Variants in WDR1 observed in about 807,000 individuals in gnomAD.
The protein encoded by WDR1 is WD repeat-containing protein 1.
In WDR1, 21 loss-of-function variants were observed where a neutral mutation model predicts 71.9. The observed-to-expected ratio is 0.29, with a 90% CI of 0.21 to 0.42. WDR1 has a LOEUF of 0.42. Ranked by LOEUF, WDR1 falls within the 10% of genes least tolerant of loss-of-function variation. The probability of loss-of-function intolerance (pLI) is 1.00; values close to 1 mark genes in which losing one functional copy is unlikely to be tolerated. For missense variants in WDR1, 696 were observed against 824.5 expected, an observed-to-expected ratio of 0.84 and a Z score of 1.91; for synonymous variants, 424 against 347.4, an observed-to-expected ratio of 1.22 and a Z score of -2.45.
intron 11 of WDR1, 149 bp from the exon 12 acceptor site, chr4:10,079,150 C>CCA: frequency 1.7e-6 from 1 of 602,084 alleles, no homozygotes; most frequent in South Asian, 2.0e-5. Context: ...GGGCTCTGAG[C>CCA]CACACCACCT....
At chr4:10,084,876 C>T (rs565952501) in intron 8 of WDR1, among the ~76,000 whole-genome samples, 4 of 152,232 alleles carry the variant, frequency 2.6e-5, no homozygotes, top group East Asian at 1.9e-4. Flanking sequence ...TGCACCCCGC[C>T]GACCAGCACC....
In WDR1 at chr4:10,095,578, C is replaced by T. The variant is rs149807407; in HGVS notation, c.558+2133G>A. Among the ~76,000 whole-genome samples the T allele has an allele frequency of 5.3e-3, 800 of 152,230 alleles. 7 individuals are homozygous for T. The highest frequency in any genetic ancestry group is 0.02 in the Middle Eastern group (6 of 294). On this transcript the variant is annotated intron_variant, in intron 5 of 14. Transcript: ENST00000499869. ...ACGACCGCAGCTTTCCTCTGGGGTCCGGAGGGCTTAAGTGCAGATACACAC... is the reference window on the plus strand; with the variant it reads ...ACGACCGCAGCTTTCCTCTGGGGTCTGGAGGGCTTAAGTGCAGATACACAC...
chr4:10,107,780 A>G (rs1713109047), intron 2 of WDR1, among the ~76,000 whole-genome samples: 1 of 152,144 alleles, frequency 6.6e-6, no homozygotes, highest in Non-Finnish European at 1.5e-5. Context: ...GCCAGCAATC[A>G]AGGAGTCACA....
chr4:10,092,491 ACAG>A, intron 5 of WDR1: 2 of 153,482 alleles, frequency 1.3e-5, no homozygotes, highest in Admixed American at 6.4e-5. Flanking sequence ...GACGCCTCCC[ACAG>A]GCTCTGGCAG....
intron 2 of WDR1, among the ~76,000 whole-genome samples, chr4:10,115,198 C>T (rs1713635466): frequency 6.6e-6 from 1 of 152,246 alleles, no homozygotes; most frequent in African/African-American, 2.4e-5. Context: ...GCACCTCCAA[C>T]TCCCACCCCA....
chr4:10,116,596 A>T, intron 1 of WDR1, 55 bp downstream of exon 1: 3 of 1,153,342 alleles, frequency 2.6e-6, no homozygotes, highest in Non-Finnish European at 3.2e-6. Context: ...GGGGCCGGGG[A>T]CCGGGGCCGG....
chr4:10,092,580 C>G (rs1712064957), intron 5 of WDR1: 1 of 211,460 alleles, frequency 4.7e-6, no homozygotes, highest in African/African-American at 2.3e-5. Flanking sequence ...TCCAGGGACA[C>G]AGATGCCCCT....
At position 10,074,503 on chromosome 4, in the gene WDR1, C is replaced by G. The variant is rs1802032; in HGVS notation, c.*875G>C. 1 of 152,716 alleles carries G rather than the reference C, an allele frequency of 6.5e-6. No homozygotes were observed. The highest frequency in any genetic ancestry group is 2.4e-5 in the African/African-American group (1 of 41,548). The allele number at this position is 152,716 out of a possible 1,614,324, so 9.5% of individuals were successfully genotyped here. A position where few individuals can be genotyped will look rare whatever the true frequency, so the allele number is the denominator to read the frequency against. ...GGTGCTTTATACTTACTTTTAATTT[C>G]TGCACTGAAAAAGAAAAGGAAGGTA... On this transcript the variant is annotated 3_prime_UTR_variant, in exon 15 of 15. Coordinates refer to ENST00000499869, the MANE Select transcript of WDR1 (RefSeq NM_017491.5).
In WDR1 at chr4:10,088,314, G is replaced by T; in HGVS notation, c.696C>A (p.Ala232=). 2 of 1,556,506 alleles carry T rather than the reference G, an allele frequency of 1.3e-6. No homozygotes were observed. The highest frequency in any genetic ancestry group is 1.7e-6 in the Non-Finnish European group (2 of 1,149,738). Residue 232 remains alanine, a synonymous_variant, in exon 7 of 15, where the codon GCC becomes GCA. Coordinates refer to ENST00000499869, the MANE Select transcript of WDR1 (RefSeq NM_017491.5). ...EKVCALGGSK[A]HDGGIYAISW... ...TCACTGCGTAAATCCCACCGTCGTG[G>T]GCCTTGCTTCCGCCCAGCGCGCACA...
intron 5 of WDR1, chr4:10,092,850 T>C: frequency 2.6e-6 from 1 of 380,232 alleles, no homozygotes; most frequent in Non-Finnish European, 5.3e-6. Context: ...CCCCTGCCTC[T>C]GCCCCACCCC....
intron 11 of WDR1, among the ~76,000 whole-genome samples, chr4:10,080,432 T>G (rs1356527613): frequency 6.6e-6 from 1 of 152,234 alleles, no homozygotes; most frequent in African/African-American, 2.4e-5. Flanking sequence ...TGGATTCCCT[T>G]TGCACCTCCC....
intron 5 of WDR1, chr4:10,091,524 T>G (rs909274302): frequency 2.0e-5 from 3 of 152,292 alleles, no homozygotes; most frequent in African/African-American, 7.2e-5. Context: ...CCACATCACC[T>G]GCACGAATCT....
intron 2 of WDR1, chr4:10,108,263 G>T: frequency 6.6e-6 from 1 of 152,316 alleles, no homozygotes. Flanking sequence ...AGGGGCCAGA[G>T]GTCACTACTC....
intron 2 of WDR1, among the ~76,000 whole-genome samples, chr4:10,109,792 T>G (rs1713239475): frequency 6.6e-6 from 1 of 152,070 alleles, no homozygotes; most frequent in Admixed American, 6.6e-5. Context: ...GGGTTCAAAT[T>G]CCAGCACCTT....
chr4:10,079,014 C>A lies in WDR1; in HGVS notation c.1285-13G>T. 4 of 1,587,918 alleles carry A rather than the reference C, an allele frequency of 2.5e-6. No homozygotes were observed. The highest frequency in any genetic ancestry group is 2.3e-5 in the South Asian group (2 of 88,094). Reference sequence around the variant, plus strand: ...TCAGCAGGACAATCTGTGGCACACACAGGCAGCTGGTCAGGCGGTCCAGCC... The same window carrying A: ...TCAGCAGGACAATCTGTGGCACACAAAGGCAGCTGGTCAGGCGGTCCAGCC... On this transcript the variant is annotated splice_polypyrimidine_tract_variant and intron_variant, in intron 11 of 14. Coordinates refer to ENST00000499869, the MANE Select transcript of WDR1 (RefSeq NM_017491.5).
In WDR1 at chr4:10,116,116, G is replaced by C. The variant is rs1190922652; in HGVS notation, c.135C>G (p.Ile45Met). The change falls in exon 2 of 15, where the codon ATC becomes ATG. Residue 45 changes from isoleucine to methionine, a missense_variant. Transcript: ENST00000499869. The part of the protein sequence containing the change: ...TNGKCVILRN[I>M]DNPALADIYT... ...GCCCGGGGTAGGGGGTACTCACGTC[G>C]ATGTTCCTTAGGATGACGCACTTTC... 6.2e-7 allele frequency: 1 copy of C among 1,612,644 alleles called. No individual in the cohort carries two copies. The highest frequency in any genetic ancestry group is 8.5e-7 in the Non-Finnish European group (1 of 1,179,286).
Position 10,075,423 on chromosome 4 carries a change from C to A in WDR1, c.1776G>T (p.Thr592=), listed in dbSNP as rs376746458. The A allele has an allele frequency of 8.1e-6, 13 of 1,613,808 alleles. No homozygotes were observed. The East Asian group carries it at 2.5e-4, about 30-fold the overall frequency. ...LAWLDEHTLV[T]TSHDASVKEW... ...CCTTGACAGAGGCATCATGGGAGGTCGTGACCAGCGTGTGCTCGTCCAGCC... is the reference window on the plus strand; with the variant it reads ...CCTTGACAGAGGCATCATGGGAGGTAGTGACCAGCGTGTGCTCGTCCAGCC... Residue 592 remains threonine (T), a synonymous_variant, in exon 15 of 15, where the codon ACG becomes ACT. Transcript: ENST00000499869.
intron 5 of WDR1, among the ~76,000 whole-genome samples, chr4:10,091,242 C>T (rs1711958237): frequency 6.6e-6 from 1 of 152,196 alleles, no homozygotes; most frequent in South Asian, 2.1e-4. Flanking sequence ...TTCTTTAGTT[C>T]CTTTTGTACC....
intron 2 of WDR1, among the ~76,000 whole-genome samples, chr4:10,112,366 C>T (rs1713435575): frequency 6.6e-6 from 1 of 152,206 alleles, no homozygotes; most frequent in African/African-American, 2.4e-5. Flanking sequence ...TAATGTCTCT[C>T]AAACACAGTG....
Sources: allele counts gnomAD v4.1 joint callset (sites outside exome capture counted in the v4.1 genomes callset), GRCh38; gene constraint gnomAD v4.1.1; transcripts MANE v1.5; gene names NCBI Gene and HGNC (gene_info 2026-07-23, HGNC 2026-07-21).